The following DENND2B variants were observed in gnomAD, a reference collection of about 807,000 sequenced individuals.
DENND2B encodes DENN domain containing 2B.
Under a neutral mutation model 116.0 loss-of-function variants are expected in DENND2B, and 32 were observed. The observed-to-expected ratio is 0.28, with a 90% CI of 0.21 to 0.37. The LOEUF is 0.37. Among genes scored for constraint, DENND2B ranks in the 10% least tolerant of loss-of-function variants. The pLI, the probability that DENND2B is intolerant of heterozygous loss-of-function variation, is 1.00. For synonymous variants in DENND2B, 588 were observed against 583.9 expected, an observed-to-expected ratio of 1.01 and a Z score of -0.10; for missense variants, 1,276 against 1,477.7, an observed-to-expected ratio of 0.86 and a Z score of 2.24.
intron 1 of DENND2B, among the ~76,000 whole-genome samples, chr11:8,882,746 G>C (rs563872892): frequency 8.5e-5 from 13 of 152,298 alleles, no homozygotes; most frequent in African/African-American, 3.1e-4. Context: ...CCAGCACTTT[G>C]GGAGGCCAAG....
intron 1 of DENND2B, among the ~76,000 whole-genome samples, chr11:8,760,703 T>A (rs921088957): frequency 1.3e-5 from 2 of 152,178 alleles, no homozygotes; most frequent in African/African-American, 4.8e-5. Context: ...AGTAAACCCT[T>A]TTCTCCTTCA....
chr11:8,775,101 G>A (rs1253787820), intron 1 of DENND2B, among the ~76,000 whole-genome samples: 1 of 151,746 alleles, frequency 6.6e-6, no homozygotes, highest in Non-Finnish European at 1.5e-5. Flanking sequence ...GGGTGGTCTC[G>A]AACTCCTGAC....
intron 1 of DENND2B, among the ~76,000 whole-genome samples, chr11:8,804,491 C>A (rs571095338): frequency 4.0e-5 from 6 of 151,398 alleles, no homozygotes; most frequent in African/African-American, 1.5e-4. Context: ...GACCCCAGAC[C>A]AGACTACCTG....
chr11:8,730,371 A>G lies in DENND2B; in HGVS notation c.919T>C (p.Cys307Arg). The change falls in exon 3 of 20, where the codon TGC (cysteine) becomes CGC (arginine). Residue 307 changes from cysteine (C) to arginine (R), a missense_variant. Cys to Arg is a radical substitution (Grantham distance 180). Coordinates refer to ENST00000313726, the MANE Select transcript of DENND2B (RefSeq NM_213618.2). The surrounding 1 kb of genome is among the most constrained non-coding windows in gnomAD (Gnocchi z 4.1). ...GRGLPQLPSS[C>R]YSVDRGKRKT... ...CTTTTCCCCCGGTCCACGCTGTAGC[A>G]GCTGCTGGGGAGCTGGGGGAGCCCC... The G allele has an allele frequency of 6.2e-7, 1 of 1,604,350 alleles. No homozygotes were observed. The highest frequency in any genetic ancestry group is 8.5e-7 in the Non-Finnish European group (1 of 1,179,656).
At chr11:8,715,251 TG>T (rs2044521476) in intron 6 of DENND2B, among the ~76,000 whole-genome samples, 1 of 152,220 alleles carries the variant, frequency 6.6e-6, no homozygotes, top group African/African-American at 2.4e-5. Flanking sequence ...TCTTCAATGC[TG>T]AGAGTTATAG....
At chr11:8,753,243 GA>G (rs1057326173) in intron 1 of DENND2B, among the ~76,000 whole-genome samples, 1 of 147,940 alleles carries the variant, frequency 6.8e-6, no homozygotes, top group African/African-American at 2.5e-5. Context: ...CCTCCAAAAA[GA>G]AAAAAAAATC....
intron 2 of DENND2B, among the ~76,000 whole-genome samples, chr11:8,863,140 A>AC (rs553247458): frequency 6.6e-6 from 1 of 151,612 alleles, no homozygotes; most frequent in African/African-American, 2.4e-5. Context: ...ACATAGGGGG[A>AC]CCCCGTCTCT....
intron 1 of DENND2B, among the ~76,000 whole-genome samples, chr11:8,792,013 C>T (rs1321076232): frequency 6.6e-6 from 1 of 151,946 alleles, no homozygotes; most frequent in Non-Finnish European, 1.5e-5. Flanking sequence ...CAAGACCAGC[C>T]TGGCAAACAT....
chr11:8,786,514 G>A (rs2058914234), intron 1 of DENND2B, among the ~76,000 whole-genome samples: 2 of 152,160 alleles, frequency 1.3e-5, no homozygotes, highest in African/African-American at 4.8e-5. Flanking sequence ...TCACGTTAAT[G>A]AACAGGATTA....
intron 3 of DENND2B, among the ~76,000 whole-genome samples, chr11:8,853,938 T>G (rs1487818466): frequency 6.7e-6 from 1 of 150,178 alleles, no homozygotes; most frequent in Non-Finnish European, 1.5e-5. Flanking sequence ...AGCCTTGAAC[T>G]CCTGGGCTCA....
chr11:8,718,512 G>C, intron 4 of DENND2B: 1 of 1,457,138 alleles, frequency 6.9e-7, no homozygotes, highest in Non-Finnish European at 9.0e-7. Context: ...TGATTAGCAA[G>C]GAGGAAGTGT....
chr11:8,791,696 G>C (rs2059393063), intron 1 of DENND2B, among the ~76,000 whole-genome samples: 1 of 151,786 alleles, frequency 6.6e-6, no homozygotes, highest in African/African-American at 2.4e-5. Flanking sequence ...GAACCTGGGA[G>C]GAGGAGGTTG....
intron 2 of DENND2B, chr11:8,857,495 A>C (rs1005671433): frequency 4.6e-5 from 7 of 152,200 alleles, no homozygotes; most frequent in African/African-American, 1.7e-4. Context: ...ACTCATTCCA[A>C]ACTCAAAGTC....
intron 1 of DENND2B, among the ~76,000 whole-genome samples, chr11:8,751,781 C>T (rs970571298): frequency 6.6e-6 from 1 of 152,194 alleles, no homozygotes; most frequent in Non-Finnish European, 1.5e-5. Context: ...CATCTCTCCT[C>T]ATTCCTTAAG....
At chr11:8,700,893 C>G (rs147532882) in intron 14 of DENND2B, among the ~76,000 whole-genome samples, 4,758 of 152,172 alleles carry the variant, frequency 0.031, 142 homozygotes, top group Admixed American at 0.07. Flanking sequence ...ACAATCTCCG[C>G]TCACTGCAAC....
At chr11:8,789,576 C>T (rs1429188610) in intron 1 of DENND2B, among the ~76,000 whole-genome samples, 1 of 152,154 alleles carries the variant, frequency 6.6e-6, no homozygotes, top group African/African-American at 2.4e-5. Context: ...CCCTAAAATG[C>T]TTAACCTAAA....
At chr11:8,801,902 G>A (rs931476001) in intron 1 of DENND2B, among the ~76,000 whole-genome samples, 2 of 150,612 alleles carry the variant, frequency 1.3e-5, no homozygotes, top group Non-Finnish European at 3.0e-5. Flanking sequence ...TGAGGTGGGA[G>A]GATCGCTTGA....
chr11:8,819,252 G>A (rs1289250547), intron 4 of DENND2B, among the ~76,000 whole-genome samples: 1 of 152,106 alleles, frequency 6.6e-6, no homozygotes, highest in Non-Finnish European at 1.5e-5. Flanking sequence ...AAAACAGCCA[G>A]GCGTGGTGGC....
At chr11:8,908,367 T>A (rs2134773323) in intron 1 of DENND2B, among the ~76,000 whole-genome samples, 1 of 152,330 alleles carries the variant, frequency 6.6e-6, no homozygotes, top group Non-Finnish European at 1.5e-5. Context: ...GGTGTGGCTA[T>A]GATACTGGGT....
Sources: allele counts gnomAD v4.1 joint callset (sites outside exome capture counted in the v4.1 genomes callset), GRCh38; gene constraint gnomAD v4.1.1; non-coding constraint Gnocchi (gnomAD v3.1); transcripts MANE v1.5; gene names NCBI Gene and HGNC (gene_info 2026-07-23, HGNC 2026-07-21).